CCSER2: variants seen among roughly 807,000 people sequenced by gnomAD.
CCSER2 encodes the protein serine-rich coiled-coil domain-containing protein 2.
Under a neutral mutation model 92.3 loss-of-function variants are expected in CCSER2, and 46 were observed. The ratio of observed to expected loss-of-function variants is 0.50; its 90% CI spans 0.39 to 0.64. The LOEUF is 0.64. Among genes scored for constraint, CCSER2 ranks in the 30% least tolerant of loss-of-function variants. The pLI is 0.00. For synonymous variants in CCSER2, 433 were observed against 431.4 expected, an observed-to-expected ratio of 1.00 and a Z score of -0.04; for missense variants, 1,244 against 1,238.9, an observed-to-expected ratio of 1.00 and a Z score of -0.06.
At chr10:84,411,964 T>C (rs1842672697) in intron 3 of CCSER2, among the ~76,000 whole-genome samples, 1 of 152,162 alleles carries the variant, frequency 6.6e-6, no homozygotes, top group Non-Finnish European at 1.5e-5. Flanking sequence ...ATGGCTCTTA[T>C]TATTTTGAGG....
chr10:84,460,883 T>C (rs1299420073), intron 6 of CCSER2, among the ~76,000 whole-genome samples: 2 of 152,328 alleles, frequency 1.3e-5, no homozygotes, highest in Admixed American at 1.3e-4. Context: ...TTTGGCAGTT[T>C]TGCTAGATGT....
At chr10:84,354,782 C>A (rs1005917665) in intron 1 of CCSER2, among the ~76,000 whole-genome samples, 1 of 151,606 alleles carries the variant, frequency 6.6e-6, no homozygotes, top group Non-Finnish European at 1.5e-5. Flanking sequence ...TAGATATGCA[C>A]CTCAAAGTTA....
At chr10:84,501,395 G>A (rs1564729310) in intron 9 of CCSER2, among the ~76,000 whole-genome samples, 1 of 152,048 alleles carries the variant, frequency 6.6e-6, no homozygotes, top group African/African-American at 2.4e-5. Context: ...CCCCCTTTTA[G>A]CCTGTATCCT....
At position 84,410,281 on chromosome 10, in the gene CCSER2, G is replaced by C. The variant is rs566787848; in HGVS notation, c.1615-7490G>C. Among the ~76,000 whole-genome samples the C allele has an allele frequency of 1.2e-4, 18 of 152,238 alleles. No homozygotes were observed. In the East Asian group the frequency reaches 3.5e-3, roughly 29 times the overall value. ...TTATATTTCTTCAATTATATATCCA[G>C]TAATGGGATTACTGGGTCAAATGGC... On this transcript the variant is annotated intron_variant, in intron 3 of 9. Transcript: ENST00000372088.
intron 9 of CCSER2, among the ~76,000 whole-genome samples, 183 bp downstream of exon 9, chr10:84,477,847 T>C (rs1254622154): frequency 3.3e-5 from 5 of 152,234 alleles, no homozygotes; most frequent in Non-Finnish European, 7.4e-5. Context: ...CTCTTGTGTG[T>C]CTTATGTAAG....
At chr10:84,438,961 T>C (rs1449535201) in intron 6 of CCSER2, among the ~76,000 whole-genome samples, 1 of 152,176 alleles carries the variant, frequency 6.6e-6, no homozygotes, top group Non-Finnish European at 1.5e-5. Context: ...CTTCTGTTTC[T>C]TCATTTTCAT....
At chr10:84,417,675 G>A in intron 3 of CCSER2, 96 bp from the exon 4 acceptor site, 1 of 627,862 alleles carries the variant, frequency 1.6e-6, no homozygotes, top group East Asian at 2.7e-5. Context: ...GATAATGAGT[G>A]AATTCAGGAT....
chr10:84,494,624 C>A (rs1308490737), intron 9 of CCSER2, among the ~76,000 whole-genome samples: 1 of 152,168 alleles, frequency 6.6e-6, no homozygotes, highest in Non-Finnish European at 1.5e-5. Context: ...GGACCAAGAT[C>A]CATCTTCTGT....
At chr10:84,408,475 T>A (rs1842481018) in intron 3 of CCSER2, among the ~76,000 whole-genome samples, 2 of 152,154 alleles carry the variant, frequency 1.3e-5, no homozygotes, top group Non-Finnish European at 2.9e-5. Context: ...CGTGTTCCTC[T>A]TCCCCTTTCC....
At chr10:84,354,230 G>A (rs548774625) in intron 1 of CCSER2, among the ~76,000 whole-genome samples, 6 of 148,032 alleles carry the variant, frequency 4.1e-5, no homozygotes, top group Non-Finnish European at 7.5e-5. Context: ...ACAAGATTAC[G>A]TCTATGTTGT....
intron 9 of CCSER2, among the ~76,000 whole-genome samples, chr10:84,512,098 C>G (rs1470962036): frequency 6.6e-6 from 1 of 151,976 alleles, no homozygotes; most frequent in African/African-American, 2.4e-5. Context: ...CTCAGTCACT[C>G]CCAATCCAGC....
At chr10:84,381,354 GAA>G (rs966244228) in intron 3 of CCSER2, among the ~76,000 whole-genome samples, 2 of 152,188 alleles carry the variant, frequency 1.3e-5, no homozygotes, top group Admixed American at 1.3e-4. Context: ...GTGCTATGCA[GAA>G]AAGAGTTAAT....
intron 9 of CCSER2, among the ~76,000 whole-genome samples, chr10:84,486,314 A>G (rs1242749897): frequency 1.3e-5 from 2 of 152,198 alleles, no homozygotes; most frequent in Non-Finnish European, 2.9e-5. Flanking sequence ...TTGAGGAATC[A>G]CTACACTATC....
chr10:84,358,646 G>GTGTATATATATATACATATACATATA (rs1256763187), intron 1 of CCSER2, among the ~76,000 whole-genome samples: 4 of 147,204 alleles, frequency 2.7e-5, no homozygotes, highest in Admixed American at 6.9e-5. Flanking sequence ...ATGTATATAT[G>GTGTATATATATATACATATACATATA]TGTATATATA....
intron 3 of CCSER2, among the ~76,000 whole-genome samples, chr10:84,397,615 A>G (rs1296708731): frequency 1.3e-5 from 2 of 152,228 alleles, no homozygotes; most frequent in Non-Finnish European, 2.9e-5. Flanking sequence ...CGACTGTTAT[A>G]ATCAGTATAG....
At chr10:84,385,787 A>G (rs1229566108) in intron 3 of CCSER2, among the ~76,000 whole-genome samples, 2 of 152,188 alleles carry the variant, frequency 1.3e-5, no homozygotes, top group Non-Finnish European at 2.9e-5. Context: ...AGAAGAAACA[A>G]CAGAGTAAAC....
intron 1 of CCSER2, among the ~76,000 whole-genome samples, chr10:84,347,572 G>A (rs1274266990): frequency 2.0e-5 from 3 of 151,904 alleles, no homozygotes; most frequent in African/African-American, 7.3e-5. Context: ...CCTCCCTCGC[G>A]GACGGGGCGG....
intron 3 of CCSER2, among the ~76,000 whole-genome samples, chr10:84,388,115 G>A (rs943548607): frequency 6.6e-6 from 1 of 152,058 alleles, no homozygotes; most frequent in Admixed American, 6.6e-5. Context: ...TGCCTGCCTT[G>A]GCCTCCCAAA....
rs143586900 is a variant in CCSER2 at position 84,355,386 on chromosome 10, A to G, written c.-39-15628A>G. On this transcript the variant is annotated intron_variant, in intron 1 of 9. Transcript: ENST00000372088. ...GTTTTTGTTTATGCTCTTAGGCTGT[A>G]TTGTTTTTTCACATTCAGTGTCTTT... 3.4e-3 allele frequency among the ~76,000 whole-genome samples: 519 copies of G among 152,182 alleles called. 5 individuals are homozygous for G. The highest frequency in any genetic ancestry group is 0.012 in the African/African-American group (492 of 41,532).
Sources: allele counts gnomAD v4.1 joint callset (sites outside exome capture counted in the v4.1 genomes callset), GRCh38; gene constraint gnomAD v4.1.1; transcripts MANE v1.5; gene names NCBI Gene and HGNC (gene_info 2026-07-23, HGNC 2026-07-21).